SLC24A3: variants seen among roughly 807,000 people sequenced by gnomAD.
The protein encoded by SLC24A3 is solute carrier family 24 member 3.
Under a neutral mutation model 75.8 loss-of-function variants are expected in SLC24A3, and 28 were observed. The observed-to-expected ratio is 0.37, with a 90% CI of 0.27 to 0.51. The LOEUF is 0.51. Ranked by LOEUF, SLC24A3 falls within the 20% of genes least tolerant of loss-of-function variation. The pLI is 0.94. For synonymous variants in SLC24A3, 372 were observed against 334.1 expected, an observed-to-expected ratio of 1.11 and a Z score of -1.24; for missense variants, 663 against 847.8, an observed-to-expected ratio of 0.78 and a Z score of 2.71.
intron 2 of SLC24A3, among the ~76,000 whole-genome samples, chr20:19,497,215 T>C (rs1988303362): frequency 6.6e-6 from 1 of 152,206 alleles, no homozygotes; most frequent in Non-Finnish European, 1.5e-5. Context: ...TCTTAGCCCA[T>C]GACAAATGTT....
intron 1 of SLC24A3, among the ~76,000 whole-genome samples, chr20:19,253,919 G>T (rs527261919): frequency 6.6e-6 from 1 of 152,238 alleles, no homozygotes; most frequent in Non-Finnish European, 1.5e-5. Context: ...CTAAATCAGA[G>T]GACCCAGTGG....
chr20:19,321,871 G>A (rs950841992), intron 2 of SLC24A3, among the ~76,000 whole-genome samples: 1 of 152,072 alleles, frequency 6.6e-6, no homozygotes, highest in Non-Finnish European at 1.5e-5. Context: ...TTCCCACATT[G>A]CATTTTAGAA....
intron 2 of SLC24A3, among the ~76,000 whole-genome samples, chr20:19,398,037 T>TATC (rs1986487516): frequency 2.0e-5 from 3 of 152,316 alleles, no homozygotes; most frequent in Middle Eastern, 3.4e-3. Flanking sequence ...TTCTTTTTTC[T>TATC]ATCTTGGCTT....
chr20:19,467,637 T>C (rs573835348), intron 2 of SLC24A3, among the ~76,000 whole-genome samples: 1 of 152,188 alleles, frequency 6.6e-6, no homozygotes, highest in East Asian at 1.9e-4. Flanking sequence ...TCCTAGCACT[T>C]TGAGAGCCCG....
intron 2 of SLC24A3, among the ~76,000 whole-genome samples, chr20:19,402,731 C>G (rs1489942756): frequency 6.6e-6 from 1 of 152,178 alleles, no homozygotes; most frequent in Non-Finnish European, 1.5e-5. Flanking sequence ...TTGGTTGCAG[C>G]AAGTTCTAGT....
chr20:19,467,954 C>G (rs1987796830), intron 2 of SLC24A3, among the ~76,000 whole-genome samples: 2 of 151,496 alleles, frequency 1.3e-5, no homozygotes, highest in African/African-American at 2.4e-5. Flanking sequence ...GATGGAGCAG[C>G]CAGTGAGGTA....
chr20:19,266,303 G>A (rs1008255116), intron 1 of SLC24A3, among the ~76,000 whole-genome samples: 5 of 152,310 alleles, frequency 3.3e-5, no homozygotes, highest in East Asian at 3.9e-4. Flanking sequence ...TCACATGGTA[G>A]CTGCTCTTTC....
In SLC24A3 at chr20:19,415,700, G is replaced by T. The variant is rs890684703; in HGVS notation, c.272-99788G>T. Among the ~76,000 whole-genome samples, 4 of 151,566 alleles carry T rather than the reference G, an allele frequency of 2.6e-5. No homozygotes were observed. The South Asian group carries it at 6.3e-4, about 24-fold the overall frequency. On this transcript the variant is annotated intron_variant, in intron 2 of 16. Transcript: ENST00000328041. Reference sequence around the variant, plus strand: ...GTCAGGGATTTCGGCTTTCTCTTAGGGTGAGGTATTGTTCAAAATTAGCAT... The same window carrying T: ...GTCAGGGATTTCGGCTTTCTCTTAGTGTGAGGTATTGTTCAAAATTAGCAT...
intron 3 of SLC24A3, among the ~76,000 whole-genome samples, chr20:19,539,333 C>A (rs1029962356): frequency 9.9e-5 from 15 of 152,158 alleles, no homozygotes; most frequent in African/African-American, 3.6e-4. Flanking sequence ...TGGGCAGCAG[C>A]TGAAGGTGAA....
intron 6 of SLC24A3, among the ~76,000 whole-genome samples, chr20:19,628,898 G>A (rs867912759): frequency 5.3e-5 from 8 of 152,102 alleles, no homozygotes; most frequent in Non-Finnish European, 8.8e-5. Flanking sequence ...ACAGTCCATA[G>A]AGACTGGGAG....
chr20:19,454,133 G>A (rs1036159191), intron 2 of SLC24A3, among the ~76,000 whole-genome samples: 5 of 152,148 alleles, frequency 3.3e-5, no homozygotes, highest in Non-Finnish European at 5.9e-5. Flanking sequence ...ATTTAGAGGC[G>A]GGTCTGATGT....
At chr20:19,377,952 T>C (rs1297131679) in intron 2 of SLC24A3, among the ~76,000 whole-genome samples, 1 of 152,230 alleles carries the variant, frequency 6.6e-6, no homozygotes, top group African/African-American at 2.4e-5. Flanking sequence ...ATGTGTCTTC[T>C]GTGGCTGCTT....
chr20:19,564,586 A>G (rs1160998322), intron 3 of SLC24A3, among the ~76,000 whole-genome samples: 1 of 152,184 alleles, frequency 6.6e-6, no homozygotes, highest in Non-Finnish European at 1.5e-5. Context: ...ATTCCTGTTC[A>G]AGACAGATAA....
intron 6 of SLC24A3, among the ~76,000 whole-genome samples, chr20:19,624,300 G>A (rs2031841200): frequency 6.6e-6 from 1 of 152,126 alleles, no homozygotes; most frequent in South Asian, 2.1e-4. Context: ...CTGGAACCCA[G>A]CATTCTAGAA....
intron 1 of SLC24A3, among the ~76,000 whole-genome samples, chr20:19,256,642 G>A (rs1024982050): frequency 2.0e-5 from 3 of 151,804 alleles, no homozygotes; most frequent in African/African-American, 4.8e-5. Context: ...GGTGGCATAC[G>A]CTTGTAGTCC....
At chr20:19,293,278 C>A (rs139847205) in intron 2 of SLC24A3, among the ~76,000 whole-genome samples, 1 of 152,170 alleles carries the variant, frequency 6.6e-6, no homozygotes, top group African/African-American at 2.4e-5. Context: ...CCTCCCCACT[C>A]TCAGCCATTT....
chr20:19,508,113 C>T (rs11908166), intron 2 of SLC24A3, among the ~76,000 whole-genome samples: 1,880 of 152,224 alleles, frequency 0.012, 45 homozygotes, highest in African/African-American at 0.042. Context: ...TTGTGAGAAG[C>T]GGAGGAGGTA....
chr20:19,486,960 G>A (rs1988135730), intron 2 of SLC24A3, among the ~76,000 whole-genome samples: 1 of 152,154 alleles, frequency 6.6e-6, no homozygotes, highest in Admixed American at 6.5e-5. Flanking sequence ...TTCTCTGGAG[G>A]GCAGTTAGAG....
chr20:19,430,504 C>A (rs1411980530), intron 2 of SLC24A3, among the ~76,000 whole-genome samples: 26 of 152,072 alleles, frequency 1.7e-4, no homozygotes. Flanking sequence ...AGGCCATTCT[C>A]CCAGTTTATT....
Sources: gnomAD v4.1 joint callset for allele counts (sites outside exome capture counted in the v4.1 genomes callset) on GRCh38, gnomAD v4.1.1 for gene constraint, MANE v1.5 for transcripts, NCBI Gene and HGNC (gene_info 2026-07-23, HGNC 2026-07-21) for gene names.